Variants in PRDM2 observed in about 807,000 individuals in gnomAD.
PRDM2 encodes the protein PR/SET domain 2, also known as PR domain zinc finger protein 2.
PRDM2 carries 30 observed loss-of-function variants against 130.0 expected under a neutral mutation model. The ratio of observed to expected loss-of-function variants is 0.23; its 90% CI spans 0.17 to 0.31. The LOEUF (loss-of-function observed/expected upper bound fraction) is 0.31, where lower values mean the gene tolerates loss of function less well. PRDM2 is among the 10% of genes least tolerant of loss of function. The probability of loss-of-function intolerance (pLI) is 1.00; values close to 1 mark genes in which losing one functional copy is unlikely to be tolerated. For missense variants in PRDM2, 2,011 were observed against 2,108.4 expected, an observed-to-expected ratio of 0.95 and a Z score of 0.90; for synonymous variants, 871 against 782.4, an observed-to-expected ratio of 1.11 and a Z score of -1.89.
chr1:13,732,038 G>A (rs969651027), intron 3 of PRDM2, among the ~76,000 whole-genome samples: 1 of 152,148 alleles, frequency 6.6e-6, no homozygotes. Flanking sequence ...TGTATATGAG[G>A]AAACTGAAGC....
chr1:13,765,880 A>G (rs949255320), intron 6 of PRDM2, among the ~76,000 whole-genome samples: 1 of 152,148 alleles, frequency 6.6e-6, no homozygotes, highest in African/African-American at 2.4e-5. Flanking sequence ...GTCATTTAAC[A>G]TGTACTTTAT....
chr1:13,782,427 C>A lies in PRDM2; in HGVS notation c.4632C>A (p.Val1544=). Reference sequence around the variant, plus strand: ...CCCGCAGCTCAGGCCCCACCCAAGTCCCACTTCCCTCCTCATCCTTCAGGT... The same window carrying A: ...CCCGCAGCTCAGGCCCCACCCAAGTACCACTTCCCTCCTCATCCTTCAGGT... The part of the protein sequence containing the change: ...TRARSSGPTQ[V]PLPSSSFRSK... Residue 1544 remains valine, a synonymous_variant, in exon 8 of 10, where the codon GTC becomes GTA. Coordinates refer to ENST00000311066, the MANE Select transcript of PRDM2 (RefSeq NM_001393986.1). 1 of 1,613,952 alleles carries A rather than the reference C, an allele frequency of 6.2e-7. No individual in the cohort carries two copies. Among genetic ancestry groups the A allele is most frequent in the Non-Finnish European group, 8.5e-7 (1 of 1,180,018 alleles).
chr1:13,770,831 G>A (rs924933030), intron 6 of PRDM2, among the ~76,000 whole-genome samples: 1 of 152,138 alleles, frequency 6.6e-6, no homozygotes, highest in South Asian at 2.1e-4. Flanking sequence ...GCTACACCAG[G>A]AACTCTCTCT....
At chr1:13,788,267 A>G (rs1033494916) in intron 8 of PRDM2, among the ~76,000 whole-genome samples, 1 of 152,182 alleles carries the variant, frequency 6.6e-6, no homozygotes, top group Non-Finnish European at 1.5e-5. Context: ...TTGGATTTCT[A>G]TGTAGAGGGT....
intron 6 of PRDM2, among the ~76,000 whole-genome samples, chr1:13,765,618 T>G (rs1418216314): frequency 6.6e-6 from 1 of 151,996 alleles, no homozygotes. Context: ...GGCGCGGTGG[T>G]ACCGCGCCTG....
At chr1:13,742,243 C>T in intron 5 of PRDM2, 86 bp downstream of exon 5, 1 of 1,425,436 alleles carries the variant, frequency 7.0e-7, no homozygotes, top group Non-Finnish European at 9.7e-7. Flanking sequence ...TTCTGTCTCT[C>T]AGGCTGGAGT....
At chr1:13,798,572 C>T (rs944524200) in intron 8 of PRDM2, among the ~76,000 whole-genome samples, 5 of 152,202 alleles carry the variant, frequency 3.3e-5, no homozygotes, top group African/African-American at 1.2e-4. Context: ...TACACTGGTA[C>T]ACACACCAAA....
intron 5 of PRDM2, among the ~76,000 whole-genome samples, chr1:13,745,313 G>A (rs1372443736): frequency 2.6e-5 from 4 of 152,086 alleles, no homozygotes; most frequent in African/African-American, 4.8e-5. Flanking sequence ...ACAGACGTTC[G>A]AACCCCACTC....
chr1:13,738,903 TAACTGAAACAC>T (rs2100497351), intron 4 of PRDM2: 1 of 152,030 alleles, frequency 6.6e-6, no homozygotes, highest in East Asian at 1.9e-4. Context: ...TCTAATTCTG[TAACTGAAACAC>T]AACTGGAATT....
chr1:13,763,592 A>G (rs925827074), intron 6 of PRDM2, among the ~76,000 whole-genome samples: 4 of 152,256 alleles, frequency 2.6e-5, no homozygotes, highest in African/African-American at 7.2e-5. Context: ...AGTACAAAGT[A>G]GAGGCTTTTT....
intron 7 of PRDM2, among the ~76,000 whole-genome samples, chr1:13,775,704 C>T (rs2100646458): frequency 6.6e-6 from 1 of 152,288 alleles, no homozygotes. Context: ...TCCACGCAGT[C>T]CCCATGTCCA....
intron 1 of PRDM2, among the ~76,000 whole-genome samples, chr1:13,707,541 A>G (rs1642246195): frequency 6.6e-6 from 1 of 152,226 alleles, no homozygotes; most frequent in Non-Finnish European, 1.5e-5. Flanking sequence ...GTTTTTATAC[A>G]TCTAATGTAG....
chr1:13,703,393 G>A (rs978148482), intron 1 of PRDM2, among the ~76,000 whole-genome samples: 1 of 152,202 alleles, frequency 6.6e-6, no homozygotes, highest in Non-Finnish European at 1.5e-5. Flanking sequence ...TGCAGTGAAG[G>A]AAGGCTCATC....
intron 6 of PRDM2, among the ~76,000 whole-genome samples, chr1:13,769,577 C>G (rs141155479): frequency 6.6e-6 from 1 of 152,230 alleles, no homozygotes; most frequent in Non-Finnish European, 1.5e-5. Flanking sequence ...CACGATGAGA[C>G]GTAACTTAAC....
chr1:13,807,055 T>C (rs113928723), intron 8 of PRDM2, among the ~76,000 whole-genome samples: 2,146 of 152,328 alleles, frequency 0.014, 27 homozygotes, highest in Admixed American at 0.038. Flanking sequence ...TTTTCTCTTG[T>C]ATATTTCAGT....
In PRDM2 at chr1:13,782,517, G is replaced by A. The variant is rs1271395231; in HGVS notation, c.4722G>A (p.Arg1574=). The A allele has an allele frequency of 2.5e-6, 4 of 1,613,900 alleles. No homozygotes were observed. The highest frequency in any genetic ancestry group is 2.7e-5 in the African/African-American group (2 of 74,870). ...KSKKPSSSSL[R]NSSPIRMAKI... ...AAAAACCAAGCTCCTCCTCTTTAAG[G>A]AACTCCAGCCCGATAAGAATGGCCA... The change falls in exon 8 of 10, where the codon AGG becomes AGA. Residue 1574 remains arginine, a synonymous_variant. Coordinates refer to ENST00000311066, the MANE Select transcript of PRDM2 (RefSeq NM_001393986.1).
chr1:13,748,831 G>A (rs867869926), intron 5 of PRDM2, among the ~76,000 whole-genome samples: 7 of 152,136 alleles, frequency 4.6e-5, no homozygotes, highest in South Asian at 2.1e-4. Flanking sequence ...GGCCCCGGGC[G>A]GCCTCCCGTT....
intron 2 of PRDM2, among the ~76,000 whole-genome samples, chr1:13,729,148 T>C (rs1224566523): frequency 6.6e-6 from 1 of 152,188 alleles, no homozygotes; most frequent in Non-Finnish European, 1.5e-5. Context: ...TTGGACTATT[T>C]GGAGTACATT....
chr1:13,821,867 T>C (rs1053342239), intron 9 of PRDM2, among the ~76,000 whole-genome samples: 1 of 152,158 alleles, frequency 6.6e-6, no homozygotes, highest in African/African-American at 2.4e-5. Flanking sequence ...AGCCATCCCC[T>C]CCCGACTGGA....
Sources: allele counts gnomAD v4.1 joint callset (sites outside exome capture counted in the v4.1 genomes callset), GRCh38; gene constraint gnomAD v4.1.1; transcripts MANE v1.5; gene names NCBI Gene and HGNC (gene_info 2026-07-23, HGNC 2026-07-21).